The following CADM2 variants were observed in gnomAD, a reference collection of about 807,000 sequenced individuals.
CADM2 encodes immunoglobulin superfamily member 4D.
In CADM2, 12 loss-of-function variants were observed where a neutral mutation model predicts 49.8. The observed-to-expected ratio is 0.24, with a 90% CI of 0.15 to 0.39. CADM2 has a LOEUF of 0.39. CADM2 is among the 10% of genes least tolerant of loss of function. The probability of loss-of-function intolerance (pLI) is 1.00; values close to 1 mark genes in which losing one functional copy is unlikely to be tolerated. For synonymous variants in CADM2, 214 were observed against 175.4 expected (o/e 1.22, Z -1.74); for missense variants, 378 against 492.3 (o/e 0.77, Z 2.20).
chr3:85,922,966 C>T (rs529589651), intron 6 of CADM2, among the ~76,000 whole-genome samples: 17 of 151,586 alleles, frequency 1.1e-4, no homozygotes, highest in South Asian at 6.3e-4. Context: ...GGACTATAGG[C>T]GCCCGCCACC....
At chr3:85,072,335 G>T (rs1427883007) in intron 1 of CADM2, among the ~76,000 whole-genome samples, 1 of 151,944 alleles carries the variant, frequency 6.6e-6, no homozygotes, top group Non-Finnish European at 1.5e-5. Flanking sequence ...AATATTCTCT[G>T]ATGAGAAATT....
chr3:85,527,246 G>A (rs1466711850), intron 1 of CADM2, among the ~76,000 whole-genome samples: 2 of 151,622 alleles, frequency 1.3e-5, no homozygotes, highest in Non-Finnish European at 1.5e-5. Context: ...TGAGCTGGGT[G>A]AGGTGGCATC....
chr3:85,723,267 T>C (rs2067571830), intron 1 of CADM2, among the ~76,000 whole-genome samples: 1 of 152,182 alleles, frequency 6.6e-6, no homozygotes. Flanking sequence ...AAAAATGGTG[T>C]CATATCTAAA....
At chr3:85,150,447 G>A (rs1469193523) in intron 1 of CADM2, among the ~76,000 whole-genome samples, 3 of 152,142 alleles carry the variant, frequency 2.0e-5, no homozygotes, top group African/African-American at 7.2e-5. Flanking sequence ...CATTTCTCCA[G>A]TAGTTTTTCT....
intron 1 of CADM2, among the ~76,000 whole-genome samples, chr3:85,434,438 T>G (rs896676110): frequency 6.6e-6 from 1 of 151,914 alleles, no homozygotes; most frequent in African/African-American, 2.4e-5. Flanking sequence ...CATTCATCTA[T>G]CCACTCAACA....
intron 1 of CADM2, among the ~76,000 whole-genome samples, chr3:85,666,378 A>C (rs1257500020): frequency 6.6e-6 from 1 of 151,880 alleles, no homozygotes; most frequent in East Asian, 1.9e-4. Context: ...CAATATCTCT[A>C]TCAGATTTAG....
chr3:85,981,045 G>A (rs989190503), intron 8 of CADM2, among the ~76,000 whole-genome samples: 2 of 151,040 alleles, frequency 1.3e-5, no homozygotes, highest in Non-Finnish European at 3.0e-5. Context: ...AACAGTTTTT[G>A]TGCTTAATCT....
At chr3:85,593,097 G>T (rs2063151114) in intron 1 of CADM2, among the ~76,000 whole-genome samples, 2 of 151,804 alleles carry the variant, frequency 1.3e-5, no homozygotes, top group South Asian at 4.2e-4. Flanking sequence ...TTTGAACATG[G>T]CTTTTATATT....
chr3:85,170,973 T>G (rs2040609697), intron 1 of CADM2, among the ~76,000 whole-genome samples: 2 of 152,194 alleles, frequency 1.3e-5, no homozygotes, highest in Admixed American at 1.3e-4. Flanking sequence ...TTAACTAATT[T>G]CCTTAGGTTG....
intron 1 of CADM2, among the ~76,000 whole-genome samples, chr3:85,021,161 A>G (rs2034491407): frequency 6.6e-6 from 1 of 151,572 alleles, no homozygotes; most frequent in Non-Finnish European, 1.5e-5. Flanking sequence ...AAAAGAGAAG[A>G]AAAGAAGAAA....
At chr3:85,485,474 T>A (rs2039379756) in intron 1 of CADM2, among the ~76,000 whole-genome samples, 1 of 151,992 alleles carries the variant, frequency 6.6e-6, no homozygotes, top group Non-Finnish European at 1.5e-5. Context: ...AGGTGATTGA[T>A]AACTGGAAAA....
chr3:85,256,426 A>G (rs956259077), intron 1 of CADM2, among the ~76,000 whole-genome samples: 2 of 152,126 alleles, frequency 1.3e-5, no homozygotes, highest in African/African-American at 4.8e-5. Context: ...AATCTGCCGG[A>G]GGAAATGCAC....
chr3:85,531,881 T>G (rs2061320174), intron 1 of CADM2, among the ~76,000 whole-genome samples: 1 of 152,136 alleles, frequency 6.6e-6, no homozygotes, highest in Non-Finnish European at 1.5e-5. Context: ...GTTTTAATAT[T>G]TAACAAATAA....
intron 1 of CADM2, among the ~76,000 whole-genome samples, chr3:85,583,569 T>C (rs941059022): frequency 6.6e-6 from 1 of 152,154 alleles, no homozygotes; most frequent in African/African-American, 2.4e-5. Flanking sequence ...TTCTAGATGG[T>C]TGAAACTAAA....
chr3:85,140,334 C>T (rs959878421), intron 1 of CADM2, among the ~76,000 whole-genome samples: 2 of 151,978 alleles, frequency 1.3e-5, no homozygotes, highest in East Asian at 1.9e-4. Flanking sequence ...TAGGAAGTTT[C>T]GAAGGGTGGG....
At chr3:85,871,476 T>G (rs1395368391) in intron 3 of CADM2, among the ~76,000 whole-genome samples, 1 of 152,020 alleles carries the variant, frequency 6.6e-6, no homozygotes, top group Non-Finnish European at 1.5e-5. Context: ...GGCTCTAGAG[T>G]CAGACTGCCT....
intron 3 of CADM2, among the ~76,000 whole-genome samples, chr3:85,809,435 A>G (rs1433390226): frequency 6.6e-6 from 1 of 151,940 alleles, no homozygotes; most frequent in Non-Finnish European, 1.5e-5. Context: ...CACTAAAAAT[A>G]CAAAAATTAG....
chr3:85,761,277 C>A (rs1577246956), intron 2 of CADM2, among the ~76,000 whole-genome samples: 1 of 149,558 alleles, frequency 6.7e-6, no homozygotes, highest in East Asian at 2.0e-4. Flanking sequence ...ATTATCAGTT[C>A]TTTAAAGCAA....
At chr3:85,947,700 G>A (rs1722914699) in intron 7 of CADM2, among the ~76,000 whole-genome samples, 1 of 151,364 alleles carries the variant, frequency 6.6e-6, no homozygotes, top group African/African-American at 2.4e-5. Context: ...AAATGAGACC[G>A]AATATATTTG....
Sources: allele counts gnomAD v4.1 joint callset (sites outside exome capture counted in the v4.1 genomes callset), GRCh38; gene constraint gnomAD v4.1.1; transcripts MANE v1.5; gene names NCBI Gene and HGNC (gene_info 2026-07-23, HGNC 2026-07-21).